Variants in KLF3 observed in about 807,000 individuals in gnomAD.
KLF3 encodes the protein KLF transcription factor 3, also known as Krueppel-like factor 3.
Under a neutral mutation model 32.7 loss-of-function variants are expected in KLF3, and 6 were observed. The ratio of observed to expected loss-of-function variants is 0.18; its 90% CI spans 0.10 to 0.36. The LOEUF is 0.36. Among genes scored for constraint, KLF3 ranks in the 10% least tolerant of loss-of-function variants. The pLI, the probability that KLF3 is intolerant of heterozygous loss-of-function variation, is 1.00. For missense variants in KLF3, 338 were observed against 449.7 expected (o/e 0.75, Z 2.25); for synonymous variants, 145 against 172.8 (o/e 0.84, Z 1.26).
At chr4:38,690,829 G>T (rs1335014249) in intron 4 of KLF3, 1 of 152,164 alleles carries the variant, frequency 6.6e-6, no homozygotes, top group African/African-American at 2.4e-5. Context: ...TGAATTCTCT[G>T]ATTTTAGAAT....
At chr4:38,680,160 G>GA (rs1354035962) in intron 1 of KLF3, among the ~76,000 whole-genome samples, 2 of 151,826 alleles carry the variant, frequency 1.3e-5, no homozygotes, top group Non-Finnish European at 2.9e-5. Context: ...GGGTAGGGGA[G>GA]AAAAAGGAGT....
chr4:38,691,227 G>A (rs1722868317), intron 4 of KLF3, among the ~76,000 whole-genome samples: 1 of 152,186 alleles, frequency 6.6e-6, no homozygotes. Context: ...GCTAACAACT[G>A]AGGGGCCTTG....
In KLF3 at chr4:38,701,413, T is replaced by C. The variant is rs1164630261; in HGVS notation, c.*4150T>C. 6.6e-6 allele frequency among the ~76,000 whole-genome samples: 1 copy of C among 152,250 alleles called. No individual in the cohort carries two copies. The highest frequency in any genetic ancestry group is 2.4e-5 in the African/African-American group (1 of 41,462). On this transcript the variant is annotated 3_prime_UTR_variant, in exon 6 of 6. Transcript: ENST00000261438. ...TGTATTAAAAGACGCATGTGTATAA[T>C]ACTTTAAACTTTTAGAGTAAAATAT...
At chr4:38,675,663 A>G (rs572577165) in intron 1 of KLF3, among the ~76,000 whole-genome samples, 5 of 152,336 alleles carry the variant, frequency 3.3e-5, no homozygotes, top group African/African-American at 1.2e-4. Context: ...AGGTTGGCCA[A>G]CTGGATTGAT....
chr4:38,680,403 G>A (rs763674489), intron 1 of KLF3, among the ~76,000 whole-genome samples, 184 bp from the exon 2 acceptor site: 5 of 151,944 alleles, frequency 3.3e-5, no homozygotes, highest in Middle Eastern at 3.4e-3. Flanking sequence ...TAGTGGAGAC[G>A]GGGTTTCACC....
In KLF3 at chr4:38,697,945, G is replaced by C. The variant is rs983984635; in HGVS notation, c.*682G>C. 6.6e-6 allele frequency: 1 copy of C among 152,244 alleles called. No homozygotes were observed. Among genetic ancestry groups the C allele is most frequent in the Non-Finnish European group, 1.5e-5 (1 of 68,060 alleles). 9.4% of individuals were successfully genotyped at this position (152,244 alleles called of 1,614,324 possible). On this transcript the variant is annotated 3_prime_UTR_variant, in exon 6 of 6. Coordinates refer to ENST00000261438, the MANE Select transcript of KLF3 (RefSeq NM_016531.6). ...GTGATGTGTAGCAGTTCAAGGGAAGGGTGCTGTGTTTTCATAGCATGGAGT... is the reference window on the plus strand; with the variant it reads ...GTGATGTGTAGCAGTTCAAGGGAAGCGTGCTGTGTTTTCATAGCATGGAGT...
intron 4 of KLF3, among the ~76,000 whole-genome samples, chr4:38,691,362 G>A (rs1722872887): frequency 6.6e-6 from 1 of 152,200 alleles, no homozygotes; most frequent in Non-Finnish European, 1.5e-5. Flanking sequence ...CATCTTAGAG[G>A]TGGAATTAAC....
rs1378812265 is a variant in KLF3, at chr4:38,701,050, A to C, written c.*3787A>C. 1 of 152,234 alleles carries C rather than the reference A, an allele frequency of 6.6e-6. No individual in the cohort carries two copies. The highest frequency in any genetic ancestry group is 1.5e-5 in the Non-Finnish European group (1 of 68,044). 9.4% of individuals were successfully genotyped at this position (152,234 alleles called of 1,614,324 possible). ...AACCATCAGAATATTAAATGTGATC[A>C]TGTGATTACTTCATATGCAGTGATC... On this transcript the variant is annotated 3_prime_UTR_variant, in exon 6 of 6. Transcript: ENST00000261438.
intron 1 of KLF3, among the ~76,000 whole-genome samples, chr4:38,672,092 A>G (rs1482291950): frequency 1.3e-5 from 2 of 152,310 alleles, no homozygotes; most frequent in Admixed American, 6.5e-5. Context: ...GGTTAGGGGC[A>G]ATAACTTTTC....
intron 1 of KLF3, among the ~76,000 whole-genome samples, chr4:38,672,317 C>A (rs1264003825): frequency 6.6e-6 from 1 of 152,032 alleles, no homozygotes; most frequent in Non-Finnish European, 1.5e-5. Flanking sequence ...GGGAGGGAGC[C>A]CTCTCAGGAA....
chr4:38,666,910 T>C (rs1248709013), intron 1 of KLF3, among the ~76,000 whole-genome samples: 1 of 152,226 alleles, frequency 6.6e-6, no homozygotes, highest in African/African-American at 2.4e-5. Context: ...TGAACCATAA[T>C]CATTACCCTA....
Position 38,671,902 on chromosome 4 carries a change from T to TC in KLF3, c.-40+7448dup, listed in dbSNP as rs556998164. On this transcript the variant is annotated intron_variant, in intron 1 of 5. Coordinates refer to ENST00000261438, the MANE Select transcript of KLF3 (RefSeq NM_016531.6). This position sits in a 1 kb window ranked among gnomAD's most constrained non-coding sequence, Gnocchi z 4.4. Reference sequence around the variant, plus strand: ...TGCACACACCCCTTCCCCTTGCAGTTCCCCCCCACCTGCCTCCTCTCCTCC... The same window carrying TC: ...TGCACACACCCCTTCCCCTTGCAGTTCCCCCCCCACCTGCCTCCTCTCCTCC... 5.3e-5 allele frequency among the ~76,000 whole-genome samples: 8 copies of TC among 152,124 alleles called. No homozygotes were observed. The highest frequency in any genetic ancestry group is 1.3e-4 in the Admixed American group (2 of 15,276).
In KLF3 at chr4:38,684,718, T is replaced by A. The variant is rs2109248639; in HGVS notation, c.58-3867T>A. 2.0e-5 allele frequency among the ~76,000 whole-genome samples: 3 copies of A among 152,120 alleles called. No individual in the cohort carries two copies. The East Asian group carries it at 5.8e-4, about 29-fold the overall frequency. On this transcript the variant is annotated intron_variant, in intron 2 of 5. Transcript: ENST00000261438. ...ACAAGCAAGCACCACCATGCCCCGC[T>A]ACATTTTTGTTTTTTTCTGTAGAGA...
intron 4 of KLF3, among the ~76,000 whole-genome samples, chr4:38,690,939 C>A (rs1722859833): frequency 1.3e-5 from 2 of 152,074 alleles, no homozygotes; most frequent in African/African-American, 4.8e-5. Context: ...CCACTGCACC[C>A]AATCATAGTC....
intron 5 of KLF3, 116 bp from the exon 6 acceptor site, chr4:38,696,966 A>AT: frequency 1.2e-6 from 1 of 832,722 alleles, no homozygotes; most frequent in South Asian, 1.9e-5. Flanking sequence ...GCACTGTGTT[A>AT]TTGAAGAACA....
rs1721911709 is a variant in KLF3, at chr4:38,664,302, C to T, written c.-199C>T. 6.6e-6 allele frequency: 1 copy of T among 152,018 alleles called. No individual in the cohort carries two copies. Among genetic ancestry groups the T allele is most frequent in the African/African-American group, 2.4e-5 (1 of 41,408 alleles). The allele number at this position is 152,018 out of a possible 1,614,324, so 9.4% of individuals were successfully genotyped here. On this transcript the variant is annotated 5_prime_UTR_variant, in exon 1 of 6. Coordinates refer to ENST00000261438, the MANE Select transcript of KLF3 (RefSeq NM_016531.6). ...CGGAGCCGGGGCCCGAGCCGGAGCGCAGCGAGAGCGCCCGCCGCACGCGCG... is the reference window on the plus strand; with the variant it reads ...CGGAGCCGGGGCCCGAGCCGGAGCGTAGCGAGAGCGCCCGCCGCACGCGCG...
At chr4:38,695,545 T>C (rs571696359) in intron 5 of KLF3, among the ~76,000 whole-genome samples, 1 of 152,240 alleles carries the variant, frequency 6.6e-6, no homozygotes, top group Non-Finnish European at 1.5e-5. Flanking sequence ...GCCAAACATT[T>C]TGGTAGTAAA....
At chr4:38,689,643 T>G in intron 3 of KLF3, 86 bp from the exon 4 acceptor site, 1 of 920,608 alleles carries the variant, frequency 1.1e-6, no homozygotes, top group East Asian at 2.4e-5. Context: ...CATATCTGTG[T>G]TGTAGGTAGG....
intron 5 of KLF3, among the ~76,000 whole-genome samples, 169 bp from the exon 6 acceptor site, chr4:38,696,912 TA>T (rs1231989450): frequency 6.6e-6 from 1 of 152,214 alleles, no homozygotes; most frequent in Non-Finnish European, 1.5e-5. Context: ...AACATTACGG[TA>T]TTAGTTCATT....
Sources: gnomAD v4.1 joint callset for allele counts (sites outside exome capture counted in the v4.1 genomes callset) on GRCh38, gnomAD v4.1.1 for gene constraint, Gnocchi (gnomAD v3.1) non-coding constraint, MANE v1.5 for transcripts, NCBI Gene and HGNC (gene_info 2026-07-23, HGNC 2026-07-21) for gene names.